The following PTPRK variants were observed in gnomAD, a reference collection of about 807,000 sequenced individuals.
PTPRK encodes receptor-type tyrosine-protein phosphatase kappa.
In PTPRK, 75 loss-of-function variants were observed where a neutral mutation model predicts 178.0. That is an observed-to-expected ratio of 0.42 (90% CI 0.35 to 0.51). The LOEUF is 0.51. Ranked by LOEUF, PTPRK falls within the 20% of genes least tolerant of loss-of-function variation. The pLI is 0.02. For missense variants in PTPRK, 1,441 were observed against 1,797.8 expected (o/e 0.80, Z 3.59); for synonymous variants, 637 against 620.6 (o/e 1.03, Z -0.39).
chr6:128,097,068 A>G (rs897392184), intron 7 of PTPRK, among the ~76,000 whole-genome samples: 4 of 152,152 alleles, frequency 2.6e-5, no homozygotes, highest in Non-Finnish European at 5.9e-5. Context: ...CTTGCCAAAA[A>G]GATTTCATCT....
intron 1 of PTPRK, among the ~76,000 whole-genome samples, chr6:128,430,577 G>A (rs1292626): frequency 0.95 from 144,884 of 152,286 alleles, 69,014 homozygotes; most frequent in East Asian, 1. Flanking sequence ...ATGATAACTA[G>A]TGAAGCAGCT....
Position 128,079,839 on chromosome 6 carries a change from A to G in PTPRK, c.1778-921T>C, listed in dbSNP as rs944137124. ...GCAAAATGTTAGTGGCCAAAAGTGG[A>G]AGACCATTTGCCAAAACAGTGGTTC... On this transcript the variant is annotated intron_variant, in intron 10 of 29. Transcript: ENST00000368226. Among the ~76,000 whole-genome samples the G allele has an allele frequency of 3.3e-5, 5 of 152,210 alleles. No individual in the cohort carries two copies. The East Asian group carries it at 9.7e-4, about 29-fold the overall frequency.
chr6:128,102,717 T>C (rs1207704488), intron 7 of PTPRK, among the ~76,000 whole-genome samples: 2 of 152,188 alleles, frequency 1.3e-5, no homozygotes. Flanking sequence ...ATGTATTCAA[T>C]TACCTACCAA....
intron 1 of PTPRK, among the ~76,000 whole-genome samples, chr6:128,404,406 T>C (rs988113871): frequency 1.3e-5 from 2 of 152,230 alleles, no homozygotes; most frequent in African/African-American, 4.8e-5. Flanking sequence ...GCAAGTTATC[T>C]CCTACTATGC....
At chr6:128,157,902 T>A (rs910793348) in intron 7 of PTPRK, among the ~76,000 whole-genome samples, 1 of 152,090 alleles carries the variant, frequency 6.6e-6, no homozygotes, top group Non-Finnish European at 1.5e-5. Flanking sequence ...TTCACTTTGA[T>A]GGTAGTTTCT....
intron 1 of PTPRK, among the ~76,000 whole-genome samples, chr6:128,400,234 G>A (rs912974423): frequency 6.6e-6 from 1 of 152,192 alleles, no homozygotes; most frequent in African/African-American, 2.4e-5. Context: ...GGGTTGGTTA[G>A]GGAAGGTTTC....
intron 1 of PTPRK, among the ~76,000 whole-genome samples, chr6:128,404,441 T>C (rs892237116): frequency 6.6e-5 from 10 of 152,222 alleles, no homozygotes; most frequent in Non-Finnish European, 1.0e-4. Context: ...GCTCTTTCCA[T>C]AAATGAAATA....
intron 3 of PTPRK, among the ~76,000 whole-genome samples, chr6:128,243,488 T>TAAAAAA (rs760606919): frequency 3.4e-3 from 199 of 58,850 alleles, no homozygotes; most frequent in Non-Finnish European, 6.1e-3. Flanking sequence ...AGCCTGTCGC[T>TAAAAAA]AAAAAAAAAA....
At chr6:128,402,092 C>T (rs768787388) in intron 1 of PTPRK, among the ~76,000 whole-genome samples, 2 of 151,860 alleles carry the variant, frequency 1.3e-5, no homozygotes, top group African/African-American at 2.4e-5. Flanking sequence ...ATATGATCTA[C>T]AAAATTCATT....
intron 7 of PTPRK, among the ~76,000 whole-genome samples, chr6:128,141,669 G>A (rs1159943772): frequency 6.6e-6 from 1 of 151,794 alleles, no homozygotes; most frequent in Non-Finnish European, 1.5e-5. Context: ...ATGTGTTAAA[G>A]CAACTGTTTT....
intron 1 of PTPRK, among the ~76,000 whole-genome samples, chr6:128,405,695 C>T (rs1452347124): frequency 6.6e-6 from 1 of 152,072 alleles, no homozygotes; most frequent in Non-Finnish European, 1.5e-5. Context: ...ATGAGACACA[C>T]ACTGGCTTAT....
At chr6:128,415,932 G>A (rs1321068276) in intron 1 of PTPRK, among the ~76,000 whole-genome samples, 23 of 151,984 alleles carry the variant, frequency 1.5e-4, no homozygotes, top group Non-Finnish European at 1.5e-5. Flanking sequence ...TAAATGTTTG[G>A]GGCTGATAAT....
intron 1 of PTPRK, among the ~76,000 whole-genome samples, chr6:128,452,596 C>G (rs1184520356): frequency 6.6e-6 from 1 of 152,022 alleles, no homozygotes; most frequent in Non-Finnish European, 1.5e-5. Context: ...TGCTCATTTC[C>G]AAATAATGAG....
chr6:128,406,229 G>A (rs1285250079), intron 1 of PTPRK, among the ~76,000 whole-genome samples: 2 of 151,714 alleles, frequency 1.3e-5, no homozygotes, highest in African/African-American at 4.8e-5. Flanking sequence ...CTCCAGCCTG[G>A]GTGGCAGAGT....
intron 5 of PTPRK, among the ~76,000 whole-genome samples, chr6:128,231,477 A>G (rs1018423733): frequency 6.6e-6 from 1 of 152,176 alleles, no homozygotes. Flanking sequence ...CACAAGGGAC[A>G]TGGTTTGCAC....
intron 1 of PTPRK, among the ~76,000 whole-genome samples, chr6:128,442,325 T>C (rs9491948): frequency 0.048 from 7,316 of 152,222 alleles, 583 homozygotes; most frequent in African/African-American, 0.17. Flanking sequence ...CATCATTTTA[T>C]CTCTGTCCAC....
intron 1 of PTPRK, among the ~76,000 whole-genome samples, chr6:128,415,520 A>AG (rs1842753095): frequency 6.6e-6 from 1 of 150,490 alleles, no homozygotes; most frequent in African/African-American, 2.5e-5. Context: ...AAAAAAAAAA[A>AG]TTATTCTCAC....
At chr6:128,507,420 C>T (rs1478836132) in intron 1 of PTPRK, among the ~76,000 whole-genome samples, 1 of 152,122 alleles carries the variant, frequency 6.6e-6, no homozygotes. Context: ...TTCAAAATCC[C>T]CATTTCCTGG....
rs1411766567 is a variant in PTPRK, at chr6:128,435,999, A to T, written c.101-38311T>A. ...CCAAAATGAGAAAGAGGAAAAAAAAAATATATATATATATATATAGCAACA... is the reference window on the plus strand; with the variant it reads ...CCAAAATGAGAAAGAGGAAAAAAAATATATATATATATATATATAGCAACA... On this transcript the variant is annotated intron_variant, in intron 1 of 29. Transcript: ENST00000368226. Among the ~76,000 whole-genome samples the T allele has an allele frequency of 2.2e-3, 286 of 131,984 alleles. 1 individual carries two copies. Among genetic ancestry groups the T allele is most frequent in the South Asian group, 3.6e-3 (16 of 4,386 alleles). 86.6% of individuals were successfully genotyped at this position (131,984 alleles called of 152,430 possible). A position where few individuals can be genotyped will look rare whatever the true frequency, so the allele number is the denominator to read the frequency against.
Sources: gnomAD v4.1 joint callset for allele counts (sites outside exome capture counted in the v4.1 genomes callset) on GRCh38, gnomAD v4.1.1 for gene constraint, MANE v1.5 for transcripts, NCBI Gene and HGNC (gene_info 2026-07-23, HGNC 2026-07-21) for gene names.